GSDME: variants seen among roughly 807,000 people sequenced by gnomAD.
GSDME encodes the protein gasdermin-E.
Under a neutral mutation model 47.5 loss-of-function variants are expected in GSDME, and 44 were observed. That is an observed-to-expected ratio of 0.93 (90% CI 0.73 to 1.19). The LOEUF is 1.19. GSDME is among the 50% of genes most tolerant of loss of function. The pLI is 0.00. For missense variants in GSDME, 663 were observed against 604.2 expected (o/e 1.10, Z -1.02); for synonymous variants, 258 against 252.8 (o/e 1.02, Z -0.20).
At chr7:24,746,082 T>TC (rs1199554272) in intron 2 of GSDME, among the ~76,000 whole-genome samples, 1 of 152,060 alleles carries the variant, frequency 6.6e-6, no homozygotes, top group Non-Finnish European at 1.5e-5. Flanking sequence ...CACCTACACT[T>TC]CTTCCACTGC....
In GSDME at chr7:24,742,401, A is replaced by G. The variant is rs1790520660; in HGVS notation, c.404+2161T>C. Reference sequence around the variant, plus strand: ...TAAAAGGAGATGGCTGTGCAGAGTTAAGGAGAGGCTACATATAAAGTGCCT... The same window carrying G: ...TAAAAGGAGATGGCTGTGCAGAGTTGAGGAGAGGCTACATATAAAGTGCCT... On this transcript the variant is annotated intron_variant, in intron 3 of 9. Coordinates refer to ENST00000645220, the MANE Select transcript of GSDME (RefSeq NM_001127453.2). The surrounding 1 kb of genome is among the most constrained non-coding windows in gnomAD (Gnocchi z 4.4). 6.6e-6 allele frequency among the ~76,000 whole-genome samples: 1 copy of G among 152,118 alleles called. No homozygotes were observed. Among genetic ancestry groups the G allele is most frequent in the Non-Finnish European group, 1.5e-5 (1 of 68,024 alleles).
rs1790958810 is a variant in GSDME, at chr7:24,754,572, C to A, written c.-20+2824G>T. Among the ~76,000 whole-genome samples, 1 of 151,816 alleles carries A rather than the reference C, an allele frequency of 6.6e-6. No individual in the cohort carries two copies. The highest frequency in any genetic ancestry group is 1.5e-5 in the Non-Finnish European group (1 of 67,988). On this transcript the variant is annotated intron_variant, in intron 1 of 9. Coordinates refer to ENST00000645220, the MANE Select transcript of GSDME (RefSeq NM_001127453.2). This position sits in a 1 kb window ranked among gnomAD's most constrained non-coding sequence, Gnocchi z 5.0. ...CAGATGAGAACTAAAAAGGCCAAAG[C>A]AAATGCAGTAAGGATATCCTAGCTT...
rs558695115 is a variant in GSDME, at chr7:24,741,757, A to AATG, written c.404+2802_404+2804dup. On this transcript the variant is annotated intron_variant, in intron 3 of 9. Coordinates refer to ENST00000645220, the MANE Select transcript of GSDME (RefSeq NM_001127453.2). ...GTATCAACAACGCCTTATCAATCCC[A>AATG]ATGATGTTATGGGGAGTCCAGAGAC... 1.6e-3 allele frequency among the ~76,000 whole-genome samples: 237 copies of AATG among 152,220 alleles called. 1 individual carries two copies. Among genetic ancestry groups the AATG allele is most frequent in the African/African-American group, 5.4e-3 (224 of 41,544 alleles).
At chr7:24,741,812 C>T (rs1790501476) in intron 3 of GSDME, among the ~76,000 whole-genome samples, 1 of 152,024 alleles carries the variant, frequency 6.6e-6, no homozygotes. Context: ...GAATTTATTA[C>T]TCCAGCATGA....
intron 7 of GSDME, 66 bp from the exon 8 acceptor site, chr7:24,706,442 C>A: frequency 6.6e-7 from 1 of 1,507,408 alleles, no homozygotes; most frequent in Non-Finnish European, 9.1e-7. Flanking sequence ...CTGGGGCCTC[C>A]GCTCACAGTA....
chr7:24,794,703 T>C, the GSDME span, among the ~76,000 whole-genome samples: 1 of 152,162 alleles, frequency 6.6e-6, no homozygotes, highest in African/African-American at 2.4e-5. Context: ...ACTGAATCCT[T>C]TCTTGAAATT....
rs1216344286 is a variant in GSDME at position 24,726,265 on chromosome 7, C to A, written c.405-7047G>T. On this transcript the variant is annotated intron_variant, in intron 3 of 9. Coordinates refer to ENST00000645220, the MANE Select transcript of GSDME (RefSeq NM_001127453.2). This position sits in a 1 kb window ranked among gnomAD's most constrained non-coding sequence, Gnocchi z 5.6. ...AACTCACAGAGGAGAAACCCAGAGACAACTTTTAAAAGTCTGACAATATCC... is the reference window on the plus strand; with the variant it reads ...AACTCACAGAGGAGAAACCCAGAGAAAACTTTTAAAAGTCTGACAATATCC... Among the ~76,000 whole-genome samples, 6 of 152,204 alleles carry A rather than the reference C, an allele frequency of 3.9e-5. No individual in the cohort carries two copies. The highest frequency in any genetic ancestry group is 2.1e-4 in the South Asian group (1 of 4,828).
chr7:24,702,283 G>A (rs2240004), intron 9 of GSDME: 8,867 of 234,586 alleles, frequency 0.038, 570 homozygotes, highest in East Asian at 0.19. Flanking sequence ...TTCCAGAGGG[G>A]GCACCAAGCT....
intron 9 of GSDME, among the ~76,000 whole-genome samples, chr7:24,700,511 A>G (rs189912726): frequency 6.6e-6 from 1 of 152,218 alleles, no homozygotes; most frequent in Non-Finnish European, 1.5e-5. Flanking sequence ...TCTGAAGGGA[A>G]TCCAAAAGAA....
chr7:24,732,784 C>T lies in GSDME; in HGVS notation c.404+11778G>A, dbSNP rs1029000838. ...TCAGAACCTGAGTTTTGGCAAGCCT[C>T]GCCACCATGGGCTAAAGTGCTTTGG... On this transcript the variant is annotated intron_variant, in intron 3 of 9. Transcript: ENST00000645220. The surrounding 1 kb of genome is among the most constrained non-coding windows in gnomAD (Gnocchi z 4.8). Among the ~76,000 whole-genome samples the T allele has an allele frequency of 1.3e-5, 2 of 152,288 alleles. No homozygotes were observed. Among genetic ancestry groups the T allele is most frequent in the East Asian group, 3.9e-4 (2 of 5,174 alleles).
At chr7:24,769,874 T>C in the GSDME span, among the ~76,000 whole-genome samples, 1 of 152,158 alleles carries the variant, frequency 6.6e-6, no homozygotes, top group East Asian at 1.9e-4. Flanking sequence ...ATAATTAATA[T>C]GGGAAAAGTA....
chr7:24,715,924 T>TCC (rs1789535622), intron 5 of GSDME, among the ~76,000 whole-genome samples: 1 of 152,208 alleles, frequency 6.6e-6, no homozygotes, highest in Non-Finnish European at 1.5e-5. Flanking sequence ...CTCTGTGCAC[T>TCC]CCTTCTGTGC....
At chr7:24,769,702 T>C in the GSDME span, among the ~76,000 whole-genome samples, 1 of 152,176 alleles carries the variant, frequency 6.6e-6, no homozygotes, top group African/African-American at 2.4e-5. Flanking sequence ...CAGTACATCA[T>C]GTTCAGCTTT....
intron 1 of GSDME, among the ~76,000 whole-genome samples, chr7:24,751,252 T>C (rs758393310): frequency 3.9e-5 from 6 of 152,108 alleles, no homozygotes; most frequent in Non-Finnish European, 7.3e-5. Context: ...CCAATATATA[T>C]ATACACGCAT....
Position 24,735,152 on chromosome 7 carries a change from T to C in GSDME, c.404+9410A>G, listed in dbSNP as rs1370768423. 6.6e-6 allele frequency among the ~76,000 whole-genome samples: 1 copy of C among 152,108 alleles called. No homozygotes were observed. The highest frequency in any genetic ancestry group is 1.5e-5 in the Non-Finnish European group (1 of 68,006). On this transcript the variant is annotated intron_variant, in intron 3 of 9. Transcript: ENST00000645220. This position sits in a 1 kb window ranked among gnomAD's most constrained non-coding sequence, Gnocchi z 4.4. ...AGAGAGTGGCATGACATATCTAAAG[T>C]GCTGAAGGAAAAAAACGTTTACACT...
chr7:24,702,677 G>T, intron 9 of GSDME, 83 bp downstream of exon 9: 1 of 1,192,092 alleles, frequency 8.4e-7, no homozygotes, highest in Non-Finnish European at 1.2e-6. Context: ...TCCTAGAGGT[G>T]TTTTACCGGC....
At chr7:24,751,240 G>A (rs1161304086) in intron 1 of GSDME, among the ~76,000 whole-genome samples, 4 of 152,100 alleles carry the variant, frequency 2.6e-5, no homozygotes, top group Non-Finnish European at 1.5e-5. Context: ...ATTGCACATA[G>A]CCCAATATAT....
At position 24,742,744 on chromosome 7, in the gene GSDME, C is replaced by T. The variant is rs1284913262; in HGVS notation, c.404+1818G>A. 1.3e-5 allele frequency among the ~76,000 whole-genome samples: 2 copies of T among 152,172 alleles called. No individual in the cohort carries two copies. The highest frequency in any genetic ancestry group is 4.8e-5 in the African/African-American group (2 of 41,442). On this transcript the variant is annotated intron_variant, in intron 3 of 9. Transcript: ENST00000645220. The surrounding 1 kb of genome is among the most constrained non-coding windows in gnomAD (Gnocchi z 4.4). ...GAGGGAGCAGAGAAGACGCTCTGGA[C>T]ACCCCCCGCCTCCCTTTTCCCCTTC...
chr7:24,743,590 G>A (rs1790555506), intron 3 of GSDME, among the ~76,000 whole-genome samples: 1 of 152,104 alleles, frequency 6.6e-6, no homozygotes, highest in African/African-American at 2.4e-5. Flanking sequence ...GTAAGTGTGA[G>A]CCTTTCCAGT....
Sources: allele counts gnomAD v4.1 joint callset (sites outside exome capture counted in the v4.1 genomes callset), GRCh38; gene constraint gnomAD v4.1.1; non-coding constraint Gnocchi (gnomAD v3.1); transcripts MANE v1.5; gene names NCBI Gene and HGNC (gene_info 2026-07-23, HGNC 2026-07-21).